AGMO: variants seen among roughly 807,000 people sequenced by gnomAD.
The protein encoded by AGMO is alkylglycerol monooxygenase.
In AGMO, 75 loss-of-function variants were observed where a neutral mutation model predicts 60.2. That is an observed-to-expected ratio of 1.25 (90% CI 1.03 to 1.51). The LOEUF (loss-of-function observed/expected upper bound fraction) is 1.51, where lower values mean the gene tolerates loss of function less well. AGMO is among the 40% of genes most tolerant of loss of function. The pLI, the probability that AGMO is intolerant of heterozygous loss-of-function variation, is 0.00. For missense variants in AGMO, 763 were observed against 525.5 expected (o/e 1.45, Z -4.42); for synonymous variants, 261 against 177.1 (o/e 1.47, Z -3.76).
At chr7:15,226,199 T>C (rs1782076514) in intron 12 of AGMO, among the ~76,000 whole-genome samples, 1 of 152,068 alleles carries the variant, frequency 6.6e-6, no homozygotes, top group South Asian at 2.1e-4. Flanking sequence ...GAACTCTATG[T>C]TACCTTTTCA....
chr7:15,560,189 T>C lies in AGMO; in HGVS notation c.209A>G (p.Asp70Gly). The C allele has an allele frequency of 1.2e-6, 2 of 1,613,190 alleles. No homozygotes were observed. Among genetic ancestry groups the C allele is most frequent in the Middle Eastern group, 1.7e-4 (1 of 6,054 alleles). The change falls in exon 2 of 13, where the codon GAT becomes GGT. Residue 70 changes from aspartate to glycine, a missense_variant. Coordinates refer to ENST00000342526, the MANE Select transcript of AGMO (RefSeq NM_001004320.2). ...AGCTGAGATTGACGTTAAAGCATCA[T>C]CCAGGCGACCTGGTGGCTTTCCTTT... Reference protein sequence around the residue: ...ILKGKPPGRLDDALTSISAGV... With the variant: ...ILKGKPPGRLGDALTSISAGV...
intron 12 of AGMO, among the ~76,000 whole-genome samples, chr7:15,256,673 A>C (rs538185826): frequency 6.6e-6 from 1 of 152,192 alleles, no homozygotes; most frequent in African/African-American, 2.4e-5. Flanking sequence ...AGAGCTGAAA[A>C]ATTTCTATCA....
intron 4 of AGMO, among the ~76,000 whole-genome samples, chr7:15,426,102 C>A (rs1348369859): frequency 6.6e-6 from 1 of 152,076 alleles, no homozygotes; most frequent in African/African-American, 2.4e-5. Context: ...TTTGGAGTGT[C>A]TATTAAATAA....
At chr7:15,318,929 T>C (rs1563084238) in intron 12 of AGMO, among the ~76,000 whole-genome samples, 1 of 152,156 alleles carries the variant, frequency 6.6e-6, no homozygotes, top group Non-Finnish European at 1.5e-5. Flanking sequence ...TGACGAATCT[T>C]ACTTGATCAT....
the AGMO span, among the ~76,000 whole-genome samples, chr7:15,191,309 C>T: frequency 6.1e-4 from 93 of 152,132 alleles, no homozygotes; most frequent in African/African-American, 2.1e-3. Flanking sequence ...ATATATGAAC[C>T]CTCTTTTCCT....
At chr7:15,504,289 T>C (rs1235457642) in intron 3 of AGMO, among the ~76,000 whole-genome samples, 1 of 152,004 alleles carries the variant, frequency 6.6e-6, no homozygotes, top group Admixed American at 6.6e-5. Context: ...CTAGAAACTT[T>C]ATAAAGATAA....
intron 12 of AGMO, among the ~76,000 whole-genome samples, chr7:15,234,121 A>T (rs1782344518): frequency 6.6e-6 from 1 of 152,200 alleles, no homozygotes. Context: ...AAACTTCACT[A>T]CTGACTACAA....
chr7:15,160,394 T>A, the AGMO span, among the ~76,000 whole-genome samples: 1 of 152,194 alleles, frequency 6.6e-6, no homozygotes, highest in African/African-American at 2.4e-5. Context: ...CAAAGAAGTA[T>A]TAAAAACTAT....
At chr7:15,500,963 G>T (rs1179267400) in intron 3 of AGMO, among the ~76,000 whole-genome samples, 1 of 151,854 alleles carries the variant, frequency 6.6e-6, no homozygotes, top group East Asian at 1.9e-4. Context: ...AAAGAAGCAG[G>T]TTGTTTAATT....
At chr7:15,216,996 T>C (rs1002836312) in intron 12 of AGMO, among the ~76,000 whole-genome samples, 1 of 152,084 alleles carries the variant, frequency 6.6e-6, no homozygotes, top group Non-Finnish European at 1.5e-5. Context: ...AACTCTCTTT[T>C]ACTATAAATA....
chr7:15,560,382 A>G, intron 1 of AGMO, 111 bp from the exon 2 acceptor site: 1 of 1,116,810 alleles, frequency 9.0e-7, no homozygotes, highest in Non-Finnish European at 1.2e-6. Flanking sequence ...GAAGCCCTGC[A>G]GGAGATGGTA....
At chr7:15,285,282 T>G (rs1312597400) in intron 12 of AGMO, among the ~76,000 whole-genome samples, 1 of 151,896 alleles carries the variant, frequency 6.6e-6, no homozygotes, top group Non-Finnish European at 1.5e-5. Context: ...AAGAGGAAGT[T>G]AAACTATCAT....
intron 2 of AGMO, among the ~76,000 whole-genome samples, chr7:15,549,465 G>A (rs1047074946): frequency 5.3e-5 from 8 of 152,022 alleles, no homozygotes; most frequent in East Asian, 1.9e-4. Flanking sequence ...TAAAAGGATG[G>A]AGGAAGACCT....
At chr7:15,528,492 G>A (rs1220722146) in intron 3 of AGMO, among the ~76,000 whole-genome samples, 5 of 151,894 alleles carry the variant, frequency 3.3e-5, no homozygotes, top group South Asian at 2.1e-4. Flanking sequence ...ACCTAACATC[G>A]TTTATGAACT....
intron 12 of AGMO, among the ~76,000 whole-genome samples, chr7:15,273,967 G>C (rs1783700847): frequency 6.6e-6 from 1 of 152,098 alleles, no homozygotes; most frequent in African/African-American, 2.4e-5. Context: ...TTTGTACATT[G>C]ATTTTGCATC....
chr7:15,409,093 G>A (rs1015796195), intron 5 of AGMO, among the ~76,000 whole-genome samples: 2 of 151,860 alleles, frequency 1.3e-5, no homozygotes, highest in African/African-American at 4.8e-5. Context: ...GTGGGAAGGC[G>A]CTACACAAAG....
Position 15,531,529 on chromosome 7 carries a change from T to G in AGMO, c.409+13243A>C, listed in dbSNP as rs1466075200. Among the ~76,000 whole-genome samples the G allele has an allele frequency of 5.5e-5, 4 of 72,574 alleles. 1 individual carries two copies. The highest frequency in any genetic ancestry group is 2.0e-4 in the African/African-American group (4 of 20,440). The allele number at this position is 72,574 out of a possible 152,430, so 47.6% of individuals were successfully genotyped here. A position where few individuals can be genotyped will look rare whatever the true frequency, so the allele number is the denominator to read the frequency against. On this transcript the variant is annotated intron_variant, in intron 3 of 12. Transcript: ENST00000342526. ...ATATATTCTCTATATATATTCTATA[T>G]ATATTCTCTATATATATTCTATATA...
intron 12 of AGMO, among the ~76,000 whole-genome samples, chr7:15,203,145 T>C (rs1008760944): frequency 1.3e-5 from 2 of 152,128 alleles, no homozygotes; most frequent in African/African-American, 4.8e-5. Context: ...TGAAACCTCA[T>C]AAGTTGTATA....
chr7:15,343,829 T>A (rs1238205331), intron 12 of AGMO, among the ~76,000 whole-genome samples: 1 of 152,188 alleles, frequency 6.6e-6, no homozygotes, highest in East Asian at 1.9e-4. Context: ...TATTACCTAG[T>A]ATTGAAATAA....
Sources: allele counts gnomAD v4.1 joint callset (sites outside exome capture counted in the v4.1 genomes callset), GRCh38; gene constraint gnomAD v4.1.1; transcripts MANE v1.5; gene names NCBI Gene and HGNC (gene_info 2026-07-23, HGNC 2026-07-21).